Variants in MYO1C observed in about 807,000 individuals in gnomAD.
MYO1C encodes the protein myosin IC, also known as unconventional myosin-Ic.
MYO1C carries 104 observed loss-of-function variants against 150.8 expected under a neutral mutation model. The observed-to-expected ratio is 0.69, with a 90% confidence interval of 0.59 to 0.81. MYO1C has a LOEUF of 0.81. Among genes scored for constraint, MYO1C ranks in the 30% least tolerant of loss-of-function variants. The pLI, the probability that MYO1C is intolerant of heterozygous loss-of-function variation, is 0.00. For missense variants in MYO1C, 1,504 were observed against 1,435.0 expected, an observed-to-expected ratio of 1.05 and a Z score of -0.78; for synonymous variants, 663 against 579.9, an observed-to-expected ratio of 1.14 and a Z score of -2.06.
intron 16 of MYO1C, 55 bp from the exon 17 acceptor site, chr17:1,474,745 C>A: frequency 6.2e-7 from 1 of 1,613,518 alleles, no homozygotes; most frequent in Non-Finnish European, 8.5e-7. Flanking sequence ...AGGACAGGCT[C>A]CTGGACACAG....
At chr17:1,469,755 C>G (rs1044039119) in intron 24 of MYO1C, 141 bp from the exon 25 acceptor site, 2 of 795,734 alleles carry the variant, frequency 2.5e-6, no homozygotes, top group African/African-American at 3.4e-5. Flanking sequence ...CCTTACTCGG[C>G]AGGGCGCGGT....
chr17:1,481,890 G>A (rs1045228457), intron 5 of MYO1C, among the ~76,000 whole-genome samples: 1 of 150,480 alleles, frequency 6.6e-6, no homozygotes, highest in African/African-American at 2.5e-5. Context: ...GCCTCTCTCT[G>A]TTCGCGGGCC....
rs1362252315 is a variant in MYO1C, at chr17:1,474,658, G to C, written c.1749C>G (p.Ser583Arg). 2 of 1,614,024 alleles carry C rather than the reference G, an allele frequency of 1.2e-6. No individual in the cohort carries two copies. The highest frequency in any genetic ancestry group is 1.7e-6 in the Non-Finnish European group (2 of 1,179,952). ...TMCSSKNPIM[S>R]QCFDRSELSD... ...TGAGCTCGCTCCGGTCAAAGCACTG[G>C]CTCATAATGGGATTCTTTGAGCTAC... Residue 583 changes from serine (S) to arginine (R), a missense_variant, in exon 17 of 32, where the codon AGC becomes AGG. Physicochemically the swap from Ser to Arg is moderately radical, Grantham distance 110. Coordinates refer to ENST00000648651, the MANE Select transcript of MYO1C (RefSeq NM_001080779.2).
rs2302459 is a variant in MYO1C, at chr17:1,467,165, T to C, written c.3165+77A>G. 1,018,184 of 1,388,400 alleles carry C rather than the reference T, an allele frequency of 0.73. 374,984 individuals carry two copies. Among genetic ancestry groups the C allele is most frequent in the African/African-American group, 0.89 (62,295 of 70,132 alleles). The allele number at this position is 1,388,400 out of a possible 1,614,324, so 86.0% of individuals were successfully genotyped here. A position where few individuals can be genotyped will look rare whatever the true frequency, so the allele number is the denominator to read the frequency against. On this transcript the variant is annotated intron_variant, in intron 31 of 31. Transcript: ENST00000648651. Reference sequence around the variant, plus strand: ...GGATGAAGGCCCATGGTGAGGTGCCTGGGCTCTGCCAAGCACAGCCAAGGA... The same window carrying C: ...GGATGAAGGCCCATGGTGAGGTGCCCGGGCTCTGCCAAGCACAGCCAAGGA...
chr17:1,468,551 G>A (rs1038909149), intron 25 of MYO1C, 55 bp from the exon 26 acceptor site: 1 of 1,449,268 alleles, frequency 6.9e-7, no homozygotes, highest in African/African-American at 1.4e-5. Flanking sequence ...CCATCTTGGG[G>A]GGGCAGAGCC....
At chr17:1,465,852 G>C (rs1026871982) in intron 31 of MYO1C, 100 bp from the exon 32 acceptor site, 5 of 874,536 alleles carry the variant, frequency 5.7e-6, no homozygotes, top group Non-Finnish European at 7.9e-6. Flanking sequence ...TTTTTATGGA[G>C]AATGGGGTCT....
At chr17:1,484,530 A>T in intron 1 of MYO1C, 1 of 614,514 alleles carries the variant, frequency 1.6e-6, no homozygotes, top group East Asian at 2.8e-5. Flanking sequence ...GTGGCAGCAG[A>T]GGGATCACCG....
At chr17:1,474,761 G>A (rs983970100) in intron 16 of MYO1C, 51 bp downstream of exon 16, 3 of 1,611,872 alleles carry the variant, frequency 1.9e-6, no homozygotes, top group Non-Finnish European at 2.5e-6. Context: ...CACAGGTGCA[G>A]AGCTGTGGGC....
At chr17:1,470,136 C>CT in intron 24 of MYO1C, 39 bp downstream of exon 24, 1 of 1,589,200 alleles carries the variant, frequency 6.3e-7, no homozygotes, top group South Asian at 1.1e-5. Context: ...CTGCTGTGTA[C>CT]TATGATGGTC....
intron 1 of MYO1C, among the ~76,000 whole-genome samples, chr17:1,487,335 C>T (rs1345877919): frequency 1.3e-5 from 2 of 152,260 alleles, no homozygotes; most frequent in Admixed American, 6.5e-5. Context: ...TACACAGACT[C>T]GCCCTGGTGG....
At chr17:1,472,637 G>A (rs894609760) in intron 17 of MYO1C, among the ~76,000 whole-genome samples, 1 of 152,228 alleles carries the variant, frequency 6.6e-6, no homozygotes, top group Non-Finnish European at 1.5e-5. Flanking sequence ...TGGCGGAGGA[G>A]CACGCTCCTT....
intron 1 of MYO1C, chr17:1,485,748 C>T: frequency 9.0e-7 from 1 of 1,112,608 alleles, no homozygotes; most frequent in Non-Finnish European, 1.1e-6. Flanking sequence ...CCGCTGCCCG[C>T]GCTCCGGGTC....
In MYO1C at chr17:1,465,456, T is replaced by C; in HGVS notation, c.*270A>G. On this transcript the variant is annotated 3_prime_UTR_variant, in exon 32 of 32. Coordinates refer to ENST00000648651, the MANE Select transcript of MYO1C (RefSeq NM_001080779.2). ...GAAAACCTCAGCAAAAGTTCCCTTC[T>C]CTCAAATATTTGGCATCGGCAGTAG... 2.7e-6 allele frequency: 1 copy of C among 375,310 alleles called. No individual in the cohort carries two copies. The highest frequency in any genetic ancestry group is 4.7e-6 in the Non-Finnish European group (1 of 211,036). 23.2% of individuals were successfully genotyped at this position (375,310 alleles called of 1,614,324 possible). A position where few individuals can be genotyped will look rare whatever the true frequency, so the allele number is the denominator to read the frequency against.
At chr17:1,480,467 AAAAAAGGAGATTTT>A in intron 7 of MYO1C, 46 bp downstream of exon 7, 2 of 1,446,806 alleles carry the variant, frequency 1.4e-6, no homozygotes, top group Non-Finnish European at 1.9e-6. Flanking sequence ...AAAAACAAAA[AAAAAAGGAGATTTT>A]GGGGGTGTGA....
In MYO1C at chr17:1,479,545, C is replaced by T; in HGVS notation, c.1021-43G>A. ...GGACACGGTGAGGGTGCACCCCCAGCCCCCGCCCCCGCCGTCCTCCCGTCG... is the reference window on the plus strand; with the variant it reads ...GGACACGGTGAGGGTGCACCCCCAGTCCCCGCCCCCGCCGTCCTCCCGTCG... On this transcript the variant is annotated intron_variant, in intron 8 of 31. Transcript: ENST00000648651. The surrounding 1 kb of genome is among the most constrained non-coding windows in gnomAD (Gnocchi z 4.2). 4.5e-6 allele frequency: 6 copies of T among 1,320,338 alleles called. No individual in the cohort carries two copies. Among genetic ancestry groups the T allele is most frequent in the Non-Finnish European group, 5.3e-6 (5 of 935,764 alleles). The allele number at this position is 1,320,338 out of a possible 1,614,324, so 81.8% of individuals were successfully genotyped here.
chr17:1,466,711 C>T (rs1188167126), intron 31 of MYO1C, among the ~76,000 whole-genome samples: 1 of 151,014 alleles, frequency 6.6e-6, no homozygotes, highest in African/African-American at 2.4e-5. Context: ...CTGCAATCTC[C>T]ACCTCCTGGG....
chr17:1,492,492 C>A lies in MYO1C; in HGVS notation c.-5G>T, dbSNP rs770240694. 18 of 1,597,976 alleles carry A rather than the reference C, an allele frequency of 1.1e-5. No individual in the cohort carries two copies. In the Admixed American group the frequency reaches 2.9e-4, roughly 26 times the overall value. On this transcript the variant is annotated 5_prime_UTR_variant, in exon 1 of 32. Coordinates refer to ENST00000648651, the MANE Select transcript of MYO1C (RefSeq NM_001080779.2). ...CAGCTCCACTTGCAGCGCCATTCCG[C>A]CCTGCGGAGAGCCAGCGGCCTGGGC...
intron 1 of MYO1C, chr17:1,491,762 C>CCGCCT: frequency 1.7e-6 from 1 of 571,568 alleles, no homozygotes; most frequent in Non-Finnish European, 2.2e-6. Context: ...CCGCCCCGCC[C>CCGCCT]CGCCTCAGCC....
rs747968956 is a variant in MYO1C, at chr17:1,471,324, C to T, written c.2034G>A (p.Leu678=). 24 of 1,613,756 alleles carry T rather than the reference C, an allele frequency of 1.5e-5. No homozygotes were observed. In the South Asian group the frequency reaches 1.5e-4, roughly 10 times the overall value. Residue 678 remains leucine, a synonymous_variant, in exon 20 of 32, where the codon CTG becomes CTA. Coordinates refer to ENST00000648651, the MANE Select transcript of MYO1C (RefSeq NM_001080779.2). ...YEAFLQRYKS[L]CPETWPTWAG... is the part of the protein sequence containing the mutation. The stretch of plus-strand genomic sequence containing the variant: ...CCCACGTGGGCCACGTCTCTGGGCA[C>T]AGTGACTTGTACCTGGGGACAGGAA...
Sources: gnomAD v4.1 joint callset for allele counts (sites outside exome capture counted in the v4.1 genomes callset) on GRCh38, gnomAD v4.1.1 for gene constraint, Gnocchi (gnomAD v3.1) non-coding constraint, MANE v1.5 for transcripts, NCBI Gene and HGNC (gene_info 2026-07-23, HGNC 2026-07-21) for gene names.